Variants in KIF26B observed in about 807,000 individuals in gnomAD.
KIF26B encodes the protein kinesin-like protein KIF26B.
In KIF26B, 63 loss-of-function variants were observed where a neutral mutation model predicts 151.2. The observed-to-expected ratio is 0.42, with a 90% CI of 0.34 to 0.51. The LOEUF (loss-of-function observed/expected upper bound fraction) is 0.51, where lower values mean the gene tolerates loss of function less well. Ranked by LOEUF, KIF26B falls within the 20% of genes least tolerant of loss-of-function variation. The pLI, the probability that KIF26B is intolerant of heterozygous loss-of-function variation, is 0.07. For missense variants in KIF26B, 2,813 were observed against 2,913.6 expected, an observed-to-expected ratio of 0.97 and a Z score of 0.79; for synonymous variants, 1,357 against 1,262.1, an observed-to-expected ratio of 1.08 and a Z score of -1.59.
chr1:245,541,099 A>C, intron 5 of KIF26B, 149 bp downstream of exon 5: 1 of 679,480 alleles, frequency 1.5e-6, no homozygotes, highest in Non-Finnish European at 2.4e-6. Context: ...GAAAGTCCTG[A>C]AAATTGTCAT....
intron 6 of KIF26B, among the ~76,000 whole-genome samples, chr1:245,605,956 G>A (rs914857452): frequency 6.6e-6 from 1 of 152,150 alleles, no homozygotes; most frequent in Non-Finnish European, 1.5e-5. Context: ...ATAGCTCAAG[G>A]TGATTTCTCA....
chr1:245,673,444 C>T (rs1207075617), intron 10 of KIF26B, among the ~76,000 whole-genome samples: 3 of 151,982 alleles, frequency 2.0e-5, no homozygotes, highest in Non-Finnish European at 2.9e-5. Flanking sequence ...CCCCGCTGCG[C>T]GCTGCCATCT....
chr1:245,576,099 G>T (rs759762965), intron 5 of KIF26B, among the ~76,000 whole-genome samples: 2 of 152,100 alleles, frequency 1.3e-5, no homozygotes, highest in Non-Finnish European at 2.9e-5. Flanking sequence ...TGGCTCTTGA[G>T]TGCCCCATTT....
At chr1:245,527,251 CCTT>C (rs1231886636) in intron 4 of KIF26B, among the ~76,000 whole-genome samples, 1 of 152,142 alleles carries the variant, frequency 6.6e-6, no homozygotes, top group African/African-American at 2.4e-5. Context: ...GTTGGATAGT[CCTT>C]AAACTAGAAA....
rs375590602 is a variant in KIF26B at position 245,184,056 on chromosome 1, T to G, written c.465+27373T>G. Among the ~76,000 whole-genome samples, 4 of 116,594 alleles carry G rather than the reference T, an allele frequency of 3.4e-5. 1 individual carries two copies. The highest frequency in any genetic ancestry group is 3.1e-4 in the South Asian group (1 of 3,234). The allele number at this position is 116,594 out of a possible 152,430, so 76.5% of individuals were successfully genotyped here. On this transcript the variant is annotated intron_variant, in intron 2 of 14. Transcript: ENST00000407071. The stretch of plus-strand genomic sequence containing the variant: ...GGTATGGGTGGGAGTTGTTGTTTTT[T>G]TTTTTTTTTTTTTGAGCTTTCTTAA...
At chr1:245,195,313 A>C (rs916615934) in intron 2 of KIF26B, among the ~76,000 whole-genome samples, 8 of 152,062 alleles carry the variant, frequency 5.3e-5, no homozygotes, top group African/African-American at 1.9e-4. Context: ...GACTTTGGGG[A>C]GTCGTAGTCT....
chr1:245,396,661 A>C (rs537933910), intron 3 of KIF26B, among the ~76,000 whole-genome samples: 2 of 152,106 alleles, frequency 1.3e-5, no homozygotes, highest in East Asian at 3.9e-4. Flanking sequence ...AACAAAAAAA[A>C]AACAACAACT....
At chr1:245,259,887 A>C (rs527794127) in intron 2 of KIF26B, among the ~76,000 whole-genome samples, 1 of 143,326 alleles carries the variant, frequency 7.0e-6, no homozygotes, top group African/African-American at 2.6e-5. Context: ...GTGAGACAAG[A>C]TTGCACTGCT....
intron 2 of KIF26B, among the ~76,000 whole-genome samples, chr1:245,309,675 A>C (rs1396678362): frequency 6.8e-6 from 1 of 147,666 alleles, no homozygotes; most frequent in Non-Finnish European, 1.5e-5. Flanking sequence ...TAAATTAATA[A>C]ATATCTCTCA....
chr1:245,608,645 C>A (rs1339772623), intron 7 of KIF26B, among the ~76,000 whole-genome samples: 1 of 152,176 alleles, frequency 6.6e-6, no homozygotes, highest in South Asian at 2.1e-4. Context: ...TGAAAAAGCC[C>A]AGCCTTCCCA....
intron 2 of KIF26B, among the ~76,000 whole-genome samples, chr1:245,217,975 C>A (rs1669683357): frequency 6.6e-6 from 1 of 152,184 alleles, no homozygotes; most frequent in South Asian, 2.1e-4. Context: ...TGAGATTCAT[C>A]AACTGCTGGT....
In KIF26B at chr1:245,156,835, C is replaced by G. The variant is rs150337002; in HGVS notation, c.465+152C>G. On this transcript the variant is annotated intron_variant, in intron 2 of 14. Coordinates refer to ENST00000407071, the MANE Select transcript of KIF26B (RefSeq NM_018012.4). ...GGGATGCTCCACACCTCACGGGGCT[C>G]TAGCACGCGGGGCGACCCATGCCCC... Among the ~76,000 whole-genome samples the G allele has an allele frequency of 5.9e-3, 903 of 152,302 alleles. 6 individuals are homozygous for G. Among genetic ancestry groups the G allele is most frequent in the African/African-American group, 0.021 (862 of 41,578 alleles).
intron 2 of KIF26B, among the ~76,000 whole-genome samples, chr1:245,347,714 C>T (rs772656679): frequency 2.6e-5 from 4 of 152,240 alleles, no homozygotes; most frequent in Admixed American, 1.3e-4. Context: ...CTTGAACCCA[C>T]TCCATTTATC....
At chr1:245,437,587 C>G (rs1019504660) in intron 4 of KIF26B, among the ~76,000 whole-genome samples, 1 of 152,134 alleles carries the variant, frequency 6.6e-6, no homozygotes, top group Non-Finnish European at 1.5e-5. Flanking sequence ...CTAGATCATG[C>G]TTGGCTGGGG....
chr1:245,375,275 C>G lies in KIF26B; in HGVS notation c.999+7908C>G, dbSNP rs1331285935. Reference sequence around the variant, plus strand: ...TATTTTTAGTAGAGATGAGGTTTCACCATGTTGTCCAGGCTGGTCTCAAAC... The same window carrying G: ...TATTTTTAGTAGAGATGAGGTTTCAGCATGTTGTCCAGGCTGGTCTCAAAC... On this transcript the variant is annotated intron_variant, in intron 3 of 14. Transcript: ENST00000407071. This position sits in a 1 kb window ranked among gnomAD's most constrained non-coding sequence, Gnocchi z 4.2. Among the ~76,000 whole-genome samples the G allele has an allele frequency of 6.6e-6, 1 of 152,236 alleles. No individual in the cohort carries two copies. Among genetic ancestry groups the G allele is most frequent in the Non-Finnish European group, 1.5e-5 (1 of 68,022 alleles).
chr1:245,687,972 C>A lies in KIF26B; in HGVS notation c.4989C>A (p.Ala1663=). The A allele has an allele frequency of 6.3e-7, 1 of 1,583,156 alleles. No individual in the cohort carries two copies. The highest frequency in any genetic ancestry group is 2.3e-5 in the East Asian group (1 of 42,846). The change falls in exon 12 of 15, where the codon GCC becomes GCA. Residue 1663 remains alanine (A), a synonymous_variant. Transcript: ENST00000407071. The surrounding 1 kb of genome is among the most constrained non-coding windows in gnomAD (Gnocchi z 4.9). ...TCAGTGCCAAGCTGGAGCAGCTGGC[C>A]AGCAGAAGCAACTCGCTGGGCAGGG... ...KLFSAKLEQL[A]SRSNSLGRAT...
intron 10 of KIF26B, among the ~76,000 whole-genome samples, chr1:245,672,454 A>G (rs1045178882): frequency 2.0e-5 from 3 of 152,244 alleles, no homozygotes; most frequent in African/African-American, 7.2e-5. Context: ...CCCTCCGGAC[A>G]GGGTGATGTT....
In KIF26B at chr1:245,646,465, G is replaced by A. The variant is rs141575739; in HGVS notation, c.2258+185G>A. On this transcript the variant is annotated intron_variant, in intron 10 of 14. Transcript: ENST00000407071. ...TGATCTCCCAAATTCAAAACTTTTG[G>A]AAATACTTAAATCTATTCCAGTTCT... Among the ~76,000 whole-genome samples the A allele has an allele frequency of 2.6e-5, 4 of 152,284 alleles. No individual in the cohort carries two copies. The East Asian group carries it at 7.7e-4, about 29-fold the overall frequency.
Position 245,646,192 on chromosome 1 carries a change from G to A in KIF26B, c.2170G>A (p.Glu724Lys), listed in dbSNP as rs1004015166. 7 of 1,613,866 alleles carry A rather than the reference G, an allele frequency of 4.3e-6. No individual in the cohort carries two copies. Among genetic ancestry groups the A allele is most frequent in the Non-Finnish European group, 5.9e-6 (7 of 1,179,888 alleles). ...SCVKALSKNREGGSGLCLSLS... is the reference protein window; with the variant it reads ...SCVKALSKNRKGGSGLCLSLS... ...TGTGAAAGCTCTTAGCAAAAATCGA[G>A]AAGGAGGCTCAGGGCTGTGTCTCTC... The change falls in exon 10 of 15, where the codon GAA becomes AAA. Residue 724 changes from glutamate (E) to lysine (K), a missense_variant. Physicochemically the swap from Glu to Lys is moderately conservative, Grantham distance 56. Transcript: ENST00000407071.
Sources: allele counts gnomAD v4.1 joint callset (sites outside exome capture counted in the v4.1 genomes callset), GRCh38; gene constraint gnomAD v4.1.1; non-coding constraint Gnocchi (gnomAD v3.1); transcripts MANE v1.5; gene names NCBI Gene and HGNC (gene_info 2026-07-23, HGNC 2026-07-21).